Variants in CREB5 observed in about 807,000 individuals in gnomAD.
CREB5 encodes cAMP responsive element binding protein 5.
In CREB5, 19 loss-of-function variants were observed where a neutral mutation model predicts 57.1. The ratio of observed to expected loss-of-function variants is 0.33; its 90% CI spans 0.23 to 0.49. The LOEUF is 0.49. CREB5 is among the 20% of genes least tolerant of loss of function. CREB5 has a pLI of 0.99. For missense variants in CREB5, 579 were observed against 671.6 expected (o/e 0.86, Z 1.52); for synonymous variants, 238 against 238.3 (o/e 1.00, Z 0.01).
intron 5 of CREB5, among the ~76,000 whole-genome samples, chr7:28,664,640 T>C (rs1483997730): frequency 2.6e-5 from 4 of 152,212 alleles, no homozygotes; most frequent in African/African-American, 9.6e-5. Flanking sequence ...TGTGATAATT[T>C]GTGATTTTCC....
chr7:28,560,879 CGTGCGTGCGTGTGT>C lies in CREB5; in HGVS notation c.292-9476_292-9463del, dbSNP rs1372202131. Among the ~76,000 whole-genome samples the C allele has an allele frequency of 2.8e-3, 62 of 22,030 alleles. 6 individuals are homozygous for C. The highest frequency in any genetic ancestry group is 0.028 in the South Asian group (10 of 358). The allele number at this position is 22,030 out of a possible 152,430, so 14.5% of individuals were successfully genotyped here. A position where few individuals can be genotyped will look rare whatever the true frequency, so the allele number is the denominator to read the frequency against. ...GTGTGCGTGTGCCTGCGTGCGCGTG[CGTGCGTGCGTGTGT>C]GTGCGTGCGCGCGTGCGTGTGCGTG... is the stretch of plus-strand genomic sequence containing the variant. On this transcript the variant is annotated intron_variant, in intron 4 of 10. Transcript: ENST00000357727.
chr7:28,620,573 A>G (rs757078332), intron 5 of CREB5, among the ~76,000 whole-genome samples: 16 of 152,156 alleles, frequency 1.1e-4, no homozygotes, highest in Non-Finnish European at 2.2e-4. Context: ...TCTAGATACA[A>G]ATTATATTTG....
At chr7:28,811,112 T>G (rs1029402584) in intron 9 of CREB5, among the ~76,000 whole-genome samples, 1 of 152,206 alleles carries the variant, frequency 6.6e-6, no homozygotes, top group East Asian at 1.9e-4. Context: ...CTGCTGTTTA[T>G]AGTGTAGTGT....
chr7:28,538,260 G>A (rs1379156898), intron 4 of CREB5, among the ~76,000 whole-genome samples: 3 of 152,062 alleles, frequency 2.0e-5, no homozygotes, highest in African/African-American at 7.2e-5. Flanking sequence ...CGCCATGTTG[G>A]CCAGGCTGGT....
chr7:28,322,764 C>G (rs1201603774), intron 1 of CREB5, among the ~76,000 whole-genome samples: 1 of 152,112 alleles, frequency 6.6e-6, no homozygotes, highest in Admixed American at 6.5e-5. Flanking sequence ...CATCCATGTC[C>G]CTGCAAAGAC....
intron 1 of CREB5, among the ~76,000 whole-genome samples, chr7:28,399,310 G>C (rs1787400206): frequency 6.6e-6 from 1 of 150,702 alleles, no homozygotes; most frequent in Non-Finnish European, 1.5e-5. Flanking sequence ...ATAAGTGATA[G>C]GAAAATGGCT....
At chr7:28,753,740 G>A (rs1164684156) in intron 7 of CREB5, among the ~76,000 whole-genome samples, 1 of 152,152 alleles carries the variant, frequency 6.6e-6, no homozygotes, top group East Asian at 1.9e-4. Flanking sequence ...TGAACTGCAT[G>A]ATGAAGTGAA....
At chr7:28,309,488 GAGGCTTCCCTGGACCC>G (rs1275674483) in intron 1 of CREB5, among the ~76,000 whole-genome samples, 6 of 152,202 alleles carry the variant, frequency 3.9e-5, no homozygotes, top group African/African-American at 1.4e-4. Flanking sequence ...TCCAGGGATA[GAGGCTTCCCTGGACCC>G]AGGCCTCCTG....
intron 1 of CREB5, among the ~76,000 whole-genome samples, chr7:28,451,450 C>CTGTGTGTGTGTG (rs6150047): frequency 6.1e-5 from 9 of 146,922 alleles, no homozygotes; most frequent in African/African-American, 2.3e-4. Flanking sequence ...CTTTGCCAAA[C>CTGTGTGTGTGTG]TGTGTGTGTG....
At chr7:28,545,192 T>C (rs1170990048) in intron 4 of CREB5, among the ~76,000 whole-genome samples, 1 of 152,176 alleles carries the variant, frequency 6.6e-6, no homozygotes, top group African/African-American at 2.4e-5. Flanking sequence ...AGAATTCCAC[T>C]TCACTGCCCA....
chr7:28,507,674 C>G lies in CREB5; in HGVS notation c.228C>G (p.Ser76Arg). The G allele has an allele frequency of 6.2e-7, 1 of 1,612,506 alleles. No individual in the cohort carries two copies. Among genetic ancestry groups the G allele is most frequent in the Non-Finnish European group, 8.5e-7 (1 of 1,178,812 alleles). Reference sequence around the variant, plus strand: ...ACTGCGAGGAGGTGGGCCTCTTCAGCGAGCTGGACTGCTCCCTGGAGCACG... The same window carrying G: ...ACTGCGAGGAGGTGGGCCTCTTCAGGGAGCTGGACTGCTCCCTGGAGCACG... ...LKNCEEVGLFSELDCSLEHEF... is the reference protein window; with the variant it reads ...LKNCEEVGLFRELDCSLEHEF... The change falls in exon 4 of 11, where the codon AGC (serine) becomes AGG (arginine). Residue 76 changes from serine to arginine, a missense_variant. Ser to Arg is a moderately radical substitution (Grantham distance 110). Coordinates refer to ENST00000357727, the MANE Select transcript of CREB5 (RefSeq NM_182898.4).
chr7:28,519,667 C>A (rs1304230207), intron 4 of CREB5, among the ~76,000 whole-genome samples: 1 of 152,178 alleles, frequency 6.6e-6, no homozygotes, highest in African/African-American at 2.4e-5. Context: ...CTACTTTGAC[C>A]TCATTAAAGT....
At chr7:28,622,555 T>C (rs964693329) in intron 5 of CREB5, among the ~76,000 whole-genome samples, 1 of 152,252 alleles carries the variant, frequency 6.6e-6, no homozygotes, top group Non-Finnish European at 1.5e-5. Flanking sequence ...AATTGTGTTC[T>C]GTGTACTGAG....
intron 1 of CREB5, among the ~76,000 whole-genome samples, chr7:28,358,960 T>G (rs1417491342): frequency 6.6e-6 from 1 of 152,232 alleles, no homozygotes; most frequent in Non-Finnish European, 1.5e-5. Context: ...CATTTTTCCT[T>G]CTTTCTTTTC....
chr7:28,562,527 C>G (rs1795315343), intron 4 of CREB5, among the ~76,000 whole-genome samples: 1 of 152,202 alleles, frequency 6.6e-6, no homozygotes. Context: ...AGCCTCAAGT[C>G]TAGAACCTCA....
At chr7:28,745,655 A>G (rs1255633189) in intron 7 of CREB5, among the ~76,000 whole-genome samples, 1 of 151,862 alleles carries the variant, frequency 6.6e-6, no homozygotes, top group Non-Finnish European at 1.5e-5. Flanking sequence ...ACAGAGCAGA[A>G]CCCCAAGAGC....
At position 28,647,762 on chromosome 7, in the gene CREB5, C is replaced by T. The variant is rs772583296; in HGVS notation, c.465-70991C>T. Among the ~76,000 whole-genome samples the T allele has an allele frequency of 4.6e-5, 7 of 152,010 alleles. No homozygotes were observed. In the East Asian group the frequency reaches 7.7e-4, roughly 17 times the overall value. ...AAATGTGGCTGGTGCAACTGAGGAA[C>T]GGAATTTTAAAATCTTATTTAATTT... On this transcript the variant is annotated intron_variant, in intron 5 of 10. Coordinates refer to ENST00000357727, the MANE Select transcript of CREB5 (RefSeq NM_182898.4).
chr7:28,481,089 G>A (rs765807093), intron 1 of CREB5, among the ~76,000 whole-genome samples: 10 of 151,956 alleles, frequency 6.6e-5, no homozygotes, highest in Non-Finnish European at 1.0e-4. Flanking sequence ...GCAGAAGTAC[G>A]TGAGAGGACG....
intron 4 of CREB5, among the ~76,000 whole-genome samples, chr7:28,546,116 A>G (rs1794413602): frequency 6.6e-6 from 1 of 152,296 alleles, no homozygotes; most frequent in South Asian, 2.1e-4. Context: ...TATTCTGGAC[A>G]TTTCATATAA....
Sources: gnomAD v4.1 joint callset for allele counts (sites outside exome capture counted in the v4.1 genomes callset) on GRCh38, gnomAD v4.1.1 for gene constraint, MANE v1.5 for transcripts, NCBI Gene and HGNC (gene_info 2026-07-23, HGNC 2026-07-21) for gene names.